SUN2: variants seen among roughly 807,000 people sequenced by gnomAD.
SUN2 encodes the protein SUN domain-containing protein 2.
Under a neutral mutation model 100.0 loss-of-function variants are expected in SUN2, and 60 were observed. The ratio of observed to expected loss-of-function variants is 0.60; its 90% CI spans 0.49 to 0.74. SUN2 has a LOEUF of 0.74. Among genes scored for constraint, SUN2 ranks in the 30% least tolerant of loss-of-function variants. The probability of loss-of-function intolerance (pLI) is 0.00; values close to 1 mark genes in which losing one functional copy is unlikely to be tolerated. For missense variants in SUN2, 834 were observed against 954.6 expected (o/e 0.87, Z 1.66); for synonymous variants, 367 against 403.3 (o/e 0.91, Z 1.08).
chr22:38,746,546 A>G (rs2092904842), intron 7 of SUN2, among the ~76,000 whole-genome samples: 1 of 152,226 alleles, frequency 6.6e-6, no homozygotes, highest in East Asian at 1.9e-4. Flanking sequence ...TGGGGCTTGA[A>G]GTCCAGCATG....
intron 1 of SUN2, among the ~76,000 whole-genome samples, chr22:38,753,758 C>T (rs1255361626): frequency 1.3e-5 from 2 of 152,136 alleles, no homozygotes; most frequent in East Asian, 1.9e-4. Context: ...AAGGGAAGAA[C>T]CTGGACACTG....
In SUN2 at chr22:38,755,466, C is replaced by T. The variant is rs1286537493; in HGVS notation, c.-38+297G>A. 7 of 989,308 alleles carry T rather than the reference C, an allele frequency of 7.1e-6. No homozygotes were observed. The highest frequency in any genetic ancestry group is 8.4e-6 in the Non-Finnish European group (7 of 831,934). The allele number at this position is 989,308 out of a possible 1,614,324, so 61.3% of individuals were successfully genotyped here. ...TGGCACAAAACCCGTAGGCGCTGCC[C>T]GGGGCCGGGTTGGGGCAGTCGGCCT... On this transcript the variant is annotated intron_variant, in intron 1 of 17. Coordinates refer to ENST00000689035, the MANE Select transcript of SUN2 (RefSeq NM_015374.3). This position sits in a 1 kb window ranked among gnomAD's most constrained non-coding sequence, Gnocchi z 5.7.
chr22:38,755,323 C>A lies in SUN2; in HGVS notation c.-38+440G>T. The A allele has an allele frequency of 9.1e-7, 1 of 1,098,414 alleles. No homozygotes were observed. Among genetic ancestry groups the A allele is most frequent in the Non-Finnish European group, 1.1e-6 (1 of 895,432 alleles). 68.0% of individuals were successfully genotyped at this position (1,098,414 alleles called of 1,614,324 possible). A position where few individuals can be genotyped will look rare whatever the true frequency, so the allele number is the denominator to read the frequency against. ...CCTCCTGGCTCTCTAAGTCACACCG[C>A]GCCCCCCATTGCTTTGTTTTGTTTT... On this transcript the variant is annotated intron_variant, in intron 1 of 17. Transcript: ENST00000689035. This position sits in a 1 kb window ranked among gnomAD's most constrained non-coding sequence, Gnocchi z 5.7.
intron 7 of SUN2, among the ~76,000 whole-genome samples, chr22:38,747,999 G>A (rs2092916976): frequency 6.6e-6 from 1 of 152,024 alleles, no homozygotes; most frequent in Non-Finnish European, 1.5e-5. Context: ...ATTCAGGACA[G>A]CTGGTAAGTG....
chr22:38,739,973 G>C lies in SUN2; in HGVS notation c.1357-30C>G. On this transcript the variant is annotated intron_variant, in intron 12 of 17. Coordinates refer to ENST00000689035, the MANE Select transcript of SUN2 (RefSeq NM_015374.3). The surrounding 1 kb of genome is among the most constrained non-coding windows in gnomAD (Gnocchi z 6.7). ...AGGAACCCAAAGGGGTGTCACCCTG[G>C]GGGGCTTGCAGGGACAGCAGGAGCT... 6.3e-7 allele frequency: 1 copy of C among 1,599,610 alleles called. No homozygotes were observed. The highest frequency in any genetic ancestry group is 8.5e-7 in the Non-Finnish European group (1 of 1,175,536).
At chr22:38,752,356 A>G in intron 2 of SUN2, 151 bp downstream of exon 2, 1 of 890,576 alleles carries the variant, frequency 1.1e-6, no homozygotes, top group Non-Finnish European at 1.7e-6. Flanking sequence ...GCAAGGAAGG[A>G]CCCCCTCGAC....
At position 38,740,348 on chromosome 22, in the gene SUN2, C is replaced by T. The variant is rs567254059; in HGVS notation, c.1275G>A (p.Leu425=). 61 of 1,587,376 alleles carry T rather than the reference C, an allele frequency of 3.8e-5. No homozygotes were observed. Among genetic ancestry groups the T allele is most frequent in the Admixed American group, 3.4e-4 (19 of 56,500 alleles). Residue 425 remains leucine, a synonymous_variant, in exon 12 of 18, where the codon CTG becomes CTA. Coordinates refer to ENST00000689035, the MANE Select transcript of SUN2 (RefSeq NM_015374.3). The surrounding 1 kb of genome is among the most constrained non-coding windows in gnomAD (Gnocchi z 4.8). The part of the protein sequence containing the change: ...EDQLAGLQQE[L]AALALKQSSV... ...AGCTCTGCTTCAGTGCCAGAGCCGCCAGCTCCTGCTGCAGGCCGGCCAGCT... is the reference window on the plus strand; with the variant it reads ...AGCTCTGCTTCAGTGCCAGAGCCGCTAGCTCCTGCTGCAGGCCGGCCAGCT...
Position 38,739,770 on chromosome 22 carries a change from G to A in SUN2, c.1530C>T (p.Ser510=). The A allele has an allele frequency of 1.9e-6, 3 of 1,613,672 alleles. No homozygotes were observed. The South Asian group carries it at 3.3e-5, about 18-fold the overall frequency. ...CTTCTTTCTGCAGCGTCAGGCTCAGGGAGGCCGCGGCTTCCCTGGCCGACT... is the reference window on the plus strand; with the variant it reads ...CTTCTTTCTGCAGCGTCAGGCTCAGAGAGGCCGCGGCTTCCCTGGCCGACT... ...QGKSAREAAA[S]LSLTLQKEGV... is the part of the protein sequence containing the mutation. The change falls in exon 13 of 18, where the codon TCC becomes TCT. Residue 510 remains serine (S), a synonymous_variant. Coordinates refer to ENST00000689035, the MANE Select transcript of SUN2 (RefSeq NM_015374.3). The surrounding 1 kb of genome is among the most constrained non-coding windows in gnomAD (Gnocchi z 6.7).
rs980146326 is a variant in SUN2 at position 38,740,608 on chromosome 22, G to A, written c.1191-176C>T. 4.6e-6 allele frequency: 3 copies of A among 646,046 alleles called. No individual in the cohort carries two copies. The highest frequency in any genetic ancestry group is 5.9e-5 in the East Asian group (2 of 33,786). 40.0% of individuals were successfully genotyped at this position (646,046 alleles called of 1,614,324 possible). On this transcript the variant is annotated intron_variant, in intron 11 of 17. Coordinates refer to ENST00000689035, the MANE Select transcript of SUN2 (RefSeq NM_015374.3). The surrounding 1 kb of genome is among the most constrained non-coding windows in gnomAD (Gnocchi z 4.8). ...TGGGGGTTCTGGCTGCAGAACCCCT[G>A]CCTGTCCCAAGGAGCTAATTCTGAG...
Position 38,736,155 on chromosome 22 carries a change from G to C in SUN2, c.*112C>G, listed in dbSNP as rs544657139. 32 of 1,042,354 alleles carry C rather than the reference G, an allele frequency of 3.1e-5. No individual in the cohort carries two copies. The highest frequency in any genetic ancestry group is 1.3e-4 in the African/African-American group (8 of 63,668). 64.6% of individuals were successfully genotyped at this position (1,042,354 alleles called of 1,614,324 possible). On this transcript the variant is annotated 3_prime_UTR_variant, in exon 18 of 18. Coordinates refer to ENST00000689035, the MANE Select transcript of SUN2 (RefSeq NM_015374.3). ...CCTTTTCATCTGCATGGGGCCACAG[G>C]CTCCTCTCTTGTGCTCCTAGAAGTC...
In SUN2 at chr22:38,736,291, T is replaced by C. The variant is rs1359648835; in HGVS notation, c.2130A>G (p.Arg710=). The change falls in exon 18 of 18, where the codon AGA becomes AGG. Residue 710 remains arginine, a synonymous_variant. Coordinates refer to ENST00000689035, the MANE Select transcript of SUN2 (RefSeq NM_015374.3). ...GCTAGTGGGCGGGCTCCCCATGCACTCTGAAGCGGTAGATGCAGGTGTACT... is the reference window on the plus strand; with the variant it reads ...GCTAGTGGGCGGGCTCCCCATGCACCCTGAAGCGGTAGATGCAGGTGTACT... The part of the protein sequence containing the change: ...HPEYTCIYRF[R]VHGEPAH The C allele has an allele frequency of 6.2e-7, 1 of 1,613,850 alleles. No individual in the cohort carries two copies. The highest frequency in any genetic ancestry group is 1.1e-5 in the South Asian group (1 of 91,070).
Position 38,736,317 on chromosome 22 carries a change from CG to C in SUN2, c.2103del (p.Glu702SerfsTer46), listed in dbSNP as rs1569292523. ...CTGAAGCGGTAGATGCAGGTGTACT[CG>C]GGGTGGCCCCAGTTAGTCAGGATCC... The part of the protein sequence containing the change: ...ELRILTNWGH[P>X]EYTCIYRFRV... On this transcript the variant is annotated frameshift_variant, in exon 18 of 18. Coordinates refer to ENST00000689035, the MANE Select transcript of SUN2 (RefSeq NM_015374.3). LOFTEE classifies it high-confidence loss of function. 1 of 1,614,026 alleles carries C rather than the reference CG, an allele frequency of 6.2e-7. No homozygotes were observed. Among genetic ancestry groups the C allele is most frequent in the Non-Finnish European group, 8.5e-7 (1 of 1,179,936 alleles).
intron 4 of SUN2, 185 bp from the exon 5 acceptor site, chr22:38,750,505 C>T: frequency 3.8e-6 from 5 of 1,308,422 alleles, no homozygotes; most frequent in South Asian, 1.4e-5. Flanking sequence ...TGACAGCTTC[C>T]TGTTTGCATC....
intron 8 of SUN2, among the ~76,000 whole-genome samples, chr22:38,744,081 A>G (rs2092882919): frequency 6.6e-6 from 1 of 152,058 alleles, no homozygotes; most frequent in Admixed American, 6.5e-5. Flanking sequence ...TCTCTACTAA[A>G]AATAAAAAAA....
At position 38,740,200 on chromosome 22, in the gene SUN2, G is replaced by A. The variant is rs2092842815; in HGVS notation, c.1356+67C>T. The A allele has an allele frequency of 1.0e-5, 15 of 1,454,150 alleles. No individual in the cohort carries two copies. The South Asian group carries it at 2.0e-4, about 19-fold the overall frequency. The allele number at this position is 1,454,150 out of a possible 1,614,324, so 90.1% of individuals were successfully genotyped here. On this transcript the variant is annotated intron_variant, in intron 12 of 17. Coordinates refer to ENST00000689035, the MANE Select transcript of SUN2 (RefSeq NM_015374.3). This position sits in a 1 kb window ranked among gnomAD's most constrained non-coding sequence, Gnocchi z 4.8. ...AGGGGCAAGGGGTGCTGCTTTGCAG[G>A]CCCCAGGACACGTCGTCTCAAAGGA...
Position 38,738,000 on chromosome 22 carries a change from C to G in SUN2, c.2040+173G>C. Reference sequence around the variant, plus strand: ...TGGAAGGTGCCTTCCCCTGTGCTGACGTCTGCAGGATGCGTGTTACACCCC... The same window carrying G: ...TGGAAGGTGCCTTCCCCTGTGCTGAGGTCTGCAGGATGCGTGTTACACCCC... On this transcript the variant is annotated intron_variant, in intron 17 of 17. Coordinates refer to ENST00000689035, the MANE Select transcript of SUN2 (RefSeq NM_015374.3). The surrounding 1 kb of genome is among the most constrained non-coding windows in gnomAD (Gnocchi z 4.1). The G allele has an allele frequency of 1.4e-6, 1 of 723,434 alleles. No individual in the cohort carries two copies. 44.8% of individuals were successfully genotyped at this position (723,434 alleles called of 1,614,324 possible).
chr22:38,752,333 T>C (rs1409695530), intron 2 of SUN2, among the ~76,000 whole-genome samples, 174 bp downstream of exon 2: 1 of 152,176 alleles, frequency 6.6e-6, no homozygotes, highest in African/African-American at 2.4e-5. Flanking sequence ...TGCTGTGTGC[T>C]CATACACATG....
Position 38,742,385 on chromosome 22 carries a change from G to T in SUN2, c.984C>A (p.Thr328=). 1 of 1,613,308 alleles carries T rather than the reference G, an allele frequency of 6.2e-7. No homozygotes were observed. The highest frequency in any genetic ancestry group is 8.5e-7 in the Non-Finnish European group (1 of 1,179,960). The change falls in exon 9 of 18, where the codon ACC becomes ACA. Residue 328 remains threonine (T), a synonymous_variant. Coordinates refer to ENST00000689035, the MANE Select transcript of SUN2 (RefSeq NM_015374.3). ...TCACTAGCCCCTCCAGCAGCGCCAG[G>T]GTGTCCTCGTGGCTCAGGCCACCAC... ...GGGGGLSHED[T]LALLEGLVSR...
intron 8 of SUN2, chr22:38,742,856 G>C (rs2092871590): frequency 2.9e-6 from 1 of 340,282 alleles, no homozygotes; most frequent in East Asian, 6.2e-5. Flanking sequence ...TGAGTGCAGG[G>C]ATGGTCCAGG....
Sources: allele counts gnomAD v4.1 joint callset (sites outside exome capture counted in the v4.1 genomes callset), GRCh38; gene constraint gnomAD v4.1.1; non-coding constraint Gnocchi (gnomAD v3.1); transcripts MANE v1.5; gene names NCBI Gene and HGNC (gene_info 2026-07-23, HGNC 2026-07-21).